The following STT3B variants were observed in gnomAD, a reference collection of about 807,000 sequenced individuals.
STT3B encodes the protein dolichyl-diphosphooligosaccharide--protein glycosyltransferase subunit STT3B.
STT3B carries 29 observed loss-of-function variants against 96.8 expected under a neutral mutation model. That is an observed-to-expected ratio of 0.30 (90% CI 0.22 to 0.41). The LOEUF (loss-of-function observed/expected upper bound fraction) is 0.41. Ranked by LOEUF, STT3B falls within the 10% of genes least tolerant of loss-of-function variation. The pLI, the probability that STT3B is intolerant of heterozygous loss-of-function variation, is 1.00. For synonymous variants in STT3B, 367 were observed against 360.0 expected, an observed-to-expected ratio of 1.02 and a Z score of -0.22; for missense variants, 640 against 1,022.3, an observed-to-expected ratio of 0.63 and a Z score of 5.10.
chr3:31,628,948 A>AG (rs917680147), intron 13 of STT3B, among the ~76,000 whole-genome samples: 12 of 152,300 alleles, frequency 7.9e-5, no homozygotes, highest in African/African-American at 2.9e-4. Flanking sequence ...CTACAAAAAA[A>AG]TGCAAAAATT....
chr3:31,557,127 T>C (rs1485714057), intron 1 of STT3B, among the ~76,000 whole-genome samples: 2 of 152,214 alleles, frequency 1.3e-5, no homozygotes, highest in Non-Finnish European at 2.9e-5. Context: ...CCCAGCACCA[T>C]GTATTGAAGA....
intron 1 of STT3B, among the ~76,000 whole-genome samples, chr3:31,569,355 A>AT (rs968933566): frequency 1.3e-5 from 2 of 151,916 alleles, no homozygotes; most frequent in African/African-American, 4.8e-5. Context: ...AAACATAACC[A>AT]TTTTTTTCCA....
chr3:31,548,914 T>C (rs1401598957), intron 1 of STT3B, among the ~76,000 whole-genome samples: 1 of 152,252 alleles, frequency 6.6e-6, no homozygotes, highest in African/African-American at 2.4e-5. Flanking sequence ...AACTGCTTAC[T>C]ACATTCTTTG....
Position 31,622,182 on chromosome 3 carries a change from G to A in STT3B, c.1413G>A (p.Leu471=), listed in dbSNP as rs1699445131. Residue 471 remains leucine, a synonymous_variant, in exon 10 of 16, where the codon CTG becomes CTA. Coordinates refer to ENST00000295770, the MANE Select transcript of STT3B (RefSeq NM_178862.3). ...CTTTGACTCCAGTCGTGTGTATGCT[G>A]TCTGCAATTGCCTTTTCAAATGTTT... The part of the protein sequence containing the change: ...MLTLTPVVCM[L]SAIAFSNVFE... 6.2e-7 allele frequency: 1 copy of A among 1,614,012 alleles called. No homozygotes were observed.
chr3:31,579,911 A>G lies in STT3B; in HGVS notation c.526A>G (p.Thr176Ala). The change falls in exon 3 of 16, where the codon ACT becomes GCT. Residue 176 changes from threonine (T) to alanine (A), a missense_variant. By Grantham distance (58) the Thr-to-Ala change is moderately conservative. Around this residue, in one of 8 missense-constraint regions of STT3B, gnomAD observed 267 missense variants for 388.3 expected, o/e 0.69. Coordinates refer to ENST00000295770, the MANE Select transcript of STT3B (RefSeq NM_178862.3). ...AGACGTATGTGTGTTCCTTGCACCA[A>G]CTTTTAGCGGCCTTACATCTATATC... ...IRDVCVFLAP[T>A]FSGLTSISTF... The G allele has an allele frequency of 6.2e-7, 1 of 1,613,932 alleles. No individual in the cohort carries two copies. Among genetic ancestry groups the G allele is most frequent in the Non-Finnish European group, 8.5e-7 (1 of 1,179,850 alleles).
At chr3:31,600,250 A>T (rs1698900477) in intron 4 of STT3B, 110 bp from the exon 5 acceptor site, 2 of 447,300 alleles carry the variant, frequency 4.5e-6, no homozygotes, top group Admixed American at 4.0e-5. Context: ...ATTTCTCAAA[A>T]TTGCTAAAAT....
At chr3:31,591,485 T>G (rs1249776970) in intron 3 of STT3B, among the ~76,000 whole-genome samples, 6 of 152,124 alleles carry the variant, frequency 3.9e-5, no homozygotes, top group African/African-American at 1.4e-4. Context: ...AAATGCATTT[T>G]TAAGTATACC....
At chr3:31,610,671 T>G (rs1266643250) in intron 5 of STT3B, among the ~76,000 whole-genome samples, 1 of 152,218 alleles carries the variant, frequency 6.6e-6, no homozygotes, top group Non-Finnish European at 1.5e-5. Context: ...CGTCCCACCC[T>G]TGGATATAAA....
chr3:31,585,084 T>A (rs766916508), intron 3 of STT3B, among the ~76,000 whole-genome samples: 2 of 152,148 alleles, frequency 1.3e-5, no homozygotes, highest in Non-Finnish European at 2.9e-5. Context: ...TTTTAAAAGG[T>A]ACATGTTTTT....
intron 14 of STT3B, among the ~76,000 whole-genome samples, chr3:31,630,663 T>G (rs555667979): frequency 3.3e-5 from 5 of 152,306 alleles, no homozygotes; most frequent in Admixed American, 3.3e-4. Flanking sequence ...CTGGTTAAGT[T>G]GGTAAGAAAG....
intron 1 of STT3B, among the ~76,000 whole-genome samples, chr3:31,564,192 C>T (rs1366089206): frequency 1.3e-5 from 2 of 152,142 alleles, no homozygotes; most frequent in East Asian, 1.9e-4. Flanking sequence ...AAACATTTCA[C>T]ATCATTTACA....
At chr3:31,569,129 C>T (rs1322106901) in intron 1 of STT3B, among the ~76,000 whole-genome samples, 1 of 152,106 alleles carries the variant, frequency 6.6e-6, no homozygotes, top group Non-Finnish European at 1.5e-5. Context: ...CCTGCCTTAG[C>T]CTCCTGAGTT....
intron 5 of STT3B, among the ~76,000 whole-genome samples, chr3:31,613,445 TG>T (rs1699230038): frequency 1.3e-5 from 2 of 152,100 alleles, no homozygotes; most frequent in African/African-American, 4.8e-5. Context: ...TGCCTTTGTG[TG>T]TTCAGTGTTT....
At chr3:31,537,199 T>C (rs1308767798) in intron 1 of STT3B, among the ~76,000 whole-genome samples, 1 of 152,256 alleles carries the variant, frequency 6.6e-6, no homozygotes, top group Admixed American at 6.5e-5. Context: ...AGTACAGATG[T>C]GTTTTCAAAG....
At position 31,532,953 on chromosome 3, in the gene STT3B, C is replaced by T; in HGVS notation, c.-46C>T. The T allele has an allele frequency of 2.0e-6, 3 of 1,525,366 alleles. No homozygotes were observed. The highest frequency in any genetic ancestry group is 2.6e-6 in the Non-Finnish European group (3 of 1,138,926). 94.5% of individuals were successfully genotyped at this position (1,525,366 alleles called of 1,614,324 possible). A position where few individuals can be genotyped will look rare whatever the true frequency, so the allele number is the denominator to read the frequency against. ...CCCGCCCAGCACCCCTCGCACCAGG[C>T]GGCGGCGGCGGAGGAGGAGAGCTAG... On this transcript the variant is annotated 5_prime_UTR_variant, in exon 1 of 16. Coordinates refer to ENST00000295770, the MANE Select transcript of STT3B (RefSeq NM_178862.3).
intron 4 of STT3B, 123 bp downstream of exon 4, chr3:31,596,986 C>A: frequency 1.4e-6 from 1 of 705,146 alleles, no homozygotes. Flanking sequence ...TACTACCATC[C>A]TCTTTCCTTC....
chr3:31,604,599 A>T (rs1041619157), intron 5 of STT3B, among the ~76,000 whole-genome samples: 4 of 152,230 alleles, frequency 2.6e-5, no homozygotes, highest in African/African-American at 7.2e-5. Context: ...AGCCATTATG[A>T]TACAAAGATG....
chr3:31,556,425 G>A (rs571506778), intron 1 of STT3B, among the ~76,000 whole-genome samples: 1 of 152,230 alleles, frequency 6.6e-6, no homozygotes, highest in African/African-American at 2.4e-5. Context: ...CCCAGTAGTG[G>A]GGTTGCTGGA....
intron 7 of STT3B, among the ~76,000 whole-genome samples, chr3:31,617,431 A>T (rs1699333075): frequency 6.6e-6 from 1 of 151,942 alleles, no homozygotes; most frequent in African/African-American, 2.4e-5. Context: ...TCTGGATTCT[A>T]AGTTACCCTC....
Sources: allele counts gnomAD v4.1 joint callset (sites outside exome capture counted in the v4.1 genomes callset), GRCh38; gene constraint gnomAD v4.1.1; regional missense constraint gnomAD v4.1.1; transcripts MANE v1.5; gene names NCBI Gene and HGNC (gene_info 2026-07-23, HGNC 2026-07-21).